The following SLC25A21 variants were observed in gnomAD, a reference collection of about 807,000 sequenced individuals.
SLC25A21 encodes the protein solute carrier family 25 member 21, also known as mitochondrial 2-oxodicarboxylate carrier.
A neutral mutation model predicts 43.8 loss-of-function variants in SLC25A21; 47 were observed. The ratio of observed to expected loss-of-function variants is 1.07; its 90% confidence interval spans 0.85 to 1.37. The LOEUF is 1.37. Ranked by LOEUF, SLC25A21 falls within the 40% of genes most tolerant of loss-of-function variation. SLC25A21 has a pLI of 0.00. For missense variants in SLC25A21, 352 were observed against 350.2 expected, an observed-to-expected ratio of 1.00 and a Z score of -0.04; for synonymous variants, 131 against 121.3, an observed-to-expected ratio of 1.08 and a Z score of -0.52.
intron 1 of SLC25A21, among the ~76,000 whole-genome samples, chr14:37,061,677 G>A (rs1961950947): frequency 6.6e-6 from 1 of 152,200 alleles, no homozygotes; most frequent in Non-Finnish European, 1.5e-5. Context: ...CACACAGGTA[G>A]TTCATAGTTC....
chr14:36,963,713 G>C (rs1368462590), intron 1 of SLC25A21, among the ~76,000 whole-genome samples: 1 of 152,082 alleles, frequency 6.6e-6, no homozygotes, highest in Non-Finnish European at 1.5e-5. Context: ...GGCCAGGCTT[G>C]CTCCGACTTC....
At chr14:37,045,914 C>T (rs1961576366) in intron 1 of SLC25A21, among the ~76,000 whole-genome samples, 1 of 152,174 alleles carries the variant, frequency 6.6e-6, no homozygotes, top group East Asian at 1.9e-4. Context: ...TGTGCTAATA[C>T]TCTATTAACA....
intron 2 of SLC25A21, among the ~76,000 whole-genome samples, chr14:36,871,351 T>C (rs1433486328): frequency 6.6e-6 from 1 of 152,206 alleles, no homozygotes; most frequent in East Asian, 1.9e-4. Flanking sequence ...GCCAGCACCT[T>C]GAGCTTAGAC....
chr14:37,161,892 G>T (rs1403300971), intron 1 of SLC25A21, among the ~76,000 whole-genome samples: 1 of 151,276 alleles, frequency 6.6e-6, no homozygotes, highest in Non-Finnish European at 1.5e-5. Context: ...GAACCCGGGA[G>T]GCGGAGCTTG....
intron 3 of SLC25A21, among the ~76,000 whole-genome samples, chr14:36,785,166 T>A (rs530157370): frequency 6.6e-6 from 1 of 152,308 alleles, no homozygotes; most frequent in East Asian, 1.9e-4. Flanking sequence ...GGGAAATCCA[T>A]GTGAGGCCTG....
chr14:37,019,956 C>G (rs1013902387), intron 1 of SLC25A21, among the ~76,000 whole-genome samples: 1 of 151,820 alleles, frequency 6.6e-6, no homozygotes, highest in Non-Finnish European at 1.5e-5. Flanking sequence ...TCTATCTCTC[C>G]TCACTAATAA....
At chr14:36,753,525 G>A (rs1403088873) in intron 3 of SLC25A21, among the ~76,000 whole-genome samples, 1 of 151,568 alleles carries the variant, frequency 6.6e-6, no homozygotes, top group South Asian at 2.1e-4. Flanking sequence ...TCATGTAAAG[G>A]GCATAGAGAA....
At chr14:36,971,738 G>GCC (rs1959755011) in intron 1 of SLC25A21, among the ~76,000 whole-genome samples, 1 of 151,956 alleles carries the variant, frequency 6.6e-6, no homozygotes. Flanking sequence ...CGCCACACAC[G>GCC]AACCTCGGGT....
chr14:36,827,016 A>C (rs848067), intron 2 of SLC25A21, among the ~76,000 whole-genome samples: 146,098 of 152,310 alleles, frequency 0.96, 70,365 homozygotes, highest in East Asian at 1. Context: ...GACAGTGACA[A>C]AAAACACAGC....
intron 1 of SLC25A21, among the ~76,000 whole-genome samples, chr14:36,918,019 T>C (rs1273254113): frequency 6.6e-6 from 1 of 152,132 alleles, no homozygotes; most frequent in Non-Finnish European, 1.5e-5. Context: ...ACTCTTTGTA[T>C]ACGCATATCT....
chr14:37,063,750 T>C (rs1055412501), intron 1 of SLC25A21, among the ~76,000 whole-genome samples: 5 of 152,130 alleles, frequency 3.3e-5, no homozygotes, highest in East Asian at 1.9e-4. Flanking sequence ...CCCAGAGAAT[T>C]TGACCCTTGA....
At chr14:36,879,244 A>G (rs1360806579) in intron 1 of SLC25A21, among the ~76,000 whole-genome samples, 1 of 152,170 alleles carries the variant, frequency 6.6e-6, no homozygotes, top group Admixed American at 6.6e-5. Flanking sequence ...AACATAAAAC[A>G]CATATTTTCT....
chr14:37,030,548 T>C (rs996691842), intron 1 of SLC25A21, among the ~76,000 whole-genome samples: 1 of 152,200 alleles, frequency 6.6e-6, no homozygotes, highest in Non-Finnish European at 1.5e-5. Flanking sequence ...TGTACATACT[T>C]TCCATTTTTT....
intron 1 of SLC25A21, among the ~76,000 whole-genome samples, chr14:37,143,250 C>T (rs572304004): frequency 1.2e-4 from 18 of 152,164 alleles, no homozygotes; most frequent in Non-Finnish European, 2.6e-4. Context: ...AACCAGCTTA[C>T]GAAAGCAAAA....
At chr14:37,115,268 G>A (rs943711406) in intron 1 of SLC25A21, among the ~76,000 whole-genome samples, 2 of 152,166 alleles carry the variant, frequency 1.3e-5, no homozygotes, top group African/African-American at 4.8e-5. Flanking sequence ...ACTGAAGTTT[G>A]CCAAGAATTG....
intron 1 of SLC25A21, among the ~76,000 whole-genome samples, chr14:37,156,715 C>A (rs1963857198): frequency 1.3e-5 from 2 of 150,946 alleles, no homozygotes; most frequent in African/African-American, 2.5e-5. Flanking sequence ...AGGGAACAAT[C>A]CAACAAGAGG....
chr14:37,062,763 A>G (rs1272214701), intron 1 of SLC25A21, among the ~76,000 whole-genome samples: 2 of 152,192 alleles, frequency 1.3e-5, no homozygotes, highest in African/African-American at 4.8e-5. Flanking sequence ...GAAGGTTTAG[A>G]TAAGTTATAG....
intron 2 of SLC25A21, among the ~76,000 whole-genome samples, chr14:36,856,022 G>A (rs934771071): frequency 6.6e-6 from 1 of 152,148 alleles, no homozygotes; most frequent in Non-Finnish European, 1.5e-5. Flanking sequence ...TTGCAACAAA[G>A]AATTATCTGG....
At chr14:36,886,204 T>C (rs151273394) in intron 1 of SLC25A21, among the ~76,000 whole-genome samples, 2 of 152,256 alleles carry the variant, frequency 1.3e-5, no homozygotes, top group African/African-American at 4.8e-5. Context: ...TTATAAGCAA[T>C]GTGAGACTCA....
Sources: gnomAD v4.1 joint callset for allele counts (sites outside exome capture counted in the v4.1 genomes callset) on GRCh38, gnomAD v4.1.1 for gene constraint, MANE v1.5 for transcripts, NCBI Gene and HGNC (gene_info 2026-07-23, HGNC 2026-07-21) for gene names.